The following EVA1C variants were observed in gnomAD, a reference collection of about 807,000 sequenced individuals.
The protein encoded by EVA1C is eva-1 homolog C.
EVA1C carries 25 observed loss-of-function variants against 45.4 expected under a neutral mutation model. That is an observed-to-expected ratio of 0.55 (90% CI 0.40 to 0.77). The LOEUF (loss-of-function observed/expected upper bound fraction) is 0.77. Among genes scored for constraint, EVA1C ranks in the 30% least tolerant of loss-of-function variants. The pLI is 0.00. For missense variants in EVA1C, 479 were observed against 554.8 expected (o/e 0.86, Z 1.37); for synonymous variants, 190 against 221.2 (o/e 0.86, Z 1.25).
intron 6 of EVA1C, among the ~76,000 whole-genome samples, chr21:32,503,008 C>T (rs1304072045): frequency 6.6e-6 from 1 of 152,234 alleles, no homozygotes; most frequent in Non-Finnish European, 1.5e-5. Context: ...TGAGAGCCAA[C>T]CCTGTGCCGT....
intron 5 of EVA1C, among the ~76,000 whole-genome samples, chr21:32,500,741 G>A (rs754400230): frequency 2.0e-5 from 3 of 151,870 alleles, no homozygotes; most frequent in Non-Finnish European, 2.9e-5. Context: ...GTGTGTGTGC[G>A]TGGTTGGCTT....
chr21:32,426,425 AT>A (rs66551169), intron 1 of EVA1C, among the ~76,000 whole-genome samples: 3,285 of 146,010 alleles, frequency 0.022, 98 homozygotes, highest in African/African-American at 0.064. Flanking sequence ...TAGTGCAGAG[AT>A]TTTTTTTTTT....
chr21:32,502,758 T>C (rs2037600090), intron 6 of EVA1C, among the ~76,000 whole-genome samples: 2 of 152,200 alleles, frequency 1.3e-5, no homozygotes, highest in Admixed American at 1.3e-4. Flanking sequence ...CTGTGTTCCT[T>C]AGCTCCTCTT....
intron 1 of EVA1C, among the ~76,000 whole-genome samples, chr21:32,437,712 C>T (rs1218563287): frequency 6.6e-6 from 1 of 152,158 alleles, no homozygotes; most frequent in African/African-American, 2.4e-5. Flanking sequence ...AAGCCTTCCT[C>T]ATCTCTGGGG....
At chr21:32,413,050 C>A (rs2146081732) in intron 1 of EVA1C, 37 bp downstream of exon 1, 2 of 1,334,568 alleles carry the variant, frequency 1.5e-6, no homozygotes, top group Non-Finnish European at 1.9e-6. Context: ...CCCCCGGCAC[C>A]GCGGAGCGCC....
chr21:32,462,236 A>C (rs2036023670), intron 3 of EVA1C, among the ~76,000 whole-genome samples: 2 of 151,738 alleles, frequency 1.3e-5, no homozygotes, highest in South Asian at 2.1e-4. Context: ...AAAAAAAAAA[A>C]AAAAACAATT....
intron 7 of EVA1C, 66 bp downstream of exon 7, chr21:32,504,081 G>A: frequency 1.7e-6 from 2 of 1,148,698 alleles, no homozygotes; most frequent in Non-Finnish European, 1.3e-6. Flanking sequence ...TAATAAATGT[G>A]CTGTTCAATT....
chr21:32,500,887 C>T (rs187893991), intron 5 of EVA1C, among the ~76,000 whole-genome samples: 105 of 152,190 alleles, frequency 6.9e-4, no homozygotes, highest in African/African-American at 2.5e-3. Context: ...TCTTCGCTCA[C>T]TGCAACCTCT....
chr21:32,490,376 G>C (rs1263958171), intron 4 of EVA1C, among the ~76,000 whole-genome samples: 1 of 152,108 alleles, frequency 6.6e-6, no homozygotes, highest in African/African-American at 2.4e-5. Context: ...TGTCTTCAAG[G>C]TTCATCCAAG....
intron 4 of EVA1C, among the ~76,000 whole-genome samples, chr21:32,478,274 A>C (rs919495140): frequency 2.6e-5 from 4 of 151,992 alleles, no homozygotes; most frequent in Admixed American, 2.6e-4. Flanking sequence ...GCTGGAGTGC[A>C]GTGGCTCGAT....
At position 32,420,588 on chromosome 21, in the gene EVA1C, C is replaced by G. The variant is rs2034232065; in HGVS notation, c.160+7575C>G. ...CATTTTTTTTTTGTAGAGACAGGGTCTCACTATGTTGCCCAGGCTGGTCTC... is the reference window on the plus strand; with the variant it reads ...CATTTTTTTTTTGTAGAGACAGGGTGTCACTATGTTGCCCAGGCTGGTCTC... On this transcript the variant is annotated intron_variant, in intron 1 of 7. Coordinates refer to ENST00000300255, the MANE Select transcript of EVA1C (RefSeq NM_058187.5). Among the ~76,000 whole-genome samples, 3 of 152,010 alleles carry G rather than the reference C, an allele frequency of 2.0e-5. No homozygotes were observed. In the South Asian group the frequency reaches 6.2e-4, roughly 32 times the overall value.
At chr21:32,476,984 C>A (rs991973210) in intron 4 of EVA1C, among the ~76,000 whole-genome samples, 1 of 152,160 alleles carries the variant, frequency 6.6e-6, no homozygotes, top group African/African-American at 2.4e-5. Flanking sequence ...GTGTCGGCCA[C>A]ACACCCCACT....
rs575503353 is a variant in EVA1C, at chr21:32,483,872, G to A, written c.635-11155G>A. ...CCGAACCTTCATGGATATAAGACGAGATCAGGTGCATTCAGGGTGGTATGG... is the reference window on the plus strand; with the variant it reads ...CCGAACCTTCATGGATATAAGACGAAATCAGGTGCATTCAGGGTGGTATGG... On this transcript the variant is annotated intron_variant, in intron 4 of 7. Coordinates refer to ENST00000300255, the MANE Select transcript of EVA1C (RefSeq NM_058187.5). Among the ~76,000 whole-genome samples, 3 of 152,188 alleles carry A rather than the reference G, an allele frequency of 2.0e-5. No homozygotes were observed. In the East Asian group the frequency reaches 5.8e-4, roughly 29 times the overall value.
At chr21:32,495,659 C>T (rs1483912418) in intron 5 of EVA1C, among the ~76,000 whole-genome samples, 1 of 152,158 alleles carries the variant, frequency 6.6e-6, no homozygotes, top group Non-Finnish European at 1.5e-5. Context: ...AAATGCTTAC[C>T]CTAAAACAAT....
intron 1 of EVA1C, among the ~76,000 whole-genome samples, chr21:32,439,777 A>C (rs1362091374): frequency 6.6e-6 from 1 of 152,148 alleles, no homozygotes; most frequent in Non-Finnish European, 1.5e-5. Flanking sequence ...TCCTGCTCCT[A>C]AATCCAGTCA....
At chr21:32,458,481 A>ATTTTTTTTTTTT (rs1555859600) in intron 3 of EVA1C, among the ~76,000 whole-genome samples, 1 of 141,142 alleles carries the variant, frequency 7.1e-6, no homozygotes, top group Non-Finnish European at 1.5e-5. Flanking sequence ...GAAGTTAAGC[A>ATTTTTTTTTTTT]CTTTTTTTTT....
At chr21:32,485,959 G>C (rs2036959226) in intron 4 of EVA1C, among the ~76,000 whole-genome samples, 1 of 152,202 alleles carries the variant, frequency 6.6e-6, no homozygotes, top group Admixed American at 6.5e-5. Context: ...CAGTGACCCA[G>C]GGATCCAGGC....
chr21:32,489,628 C>T (rs2037087602), intron 4 of EVA1C, among the ~76,000 whole-genome samples: 1 of 152,080 alleles, frequency 6.6e-6, no homozygotes, highest in Non-Finnish European at 1.5e-5. Context: ...TTTTCTATTT[C>T]TGTGGAAAAT....
chr21:32,489,042 C>T lies in EVA1C; in HGVS notation c.635-5985C>T, dbSNP rs1044912646. On this transcript the variant is annotated intron_variant, in intron 4 of 7. Coordinates refer to ENST00000300255, the MANE Select transcript of EVA1C (RefSeq NM_058187.5). The stretch of plus-strand genomic sequence containing the variant: ...GATATAAGCTTTGAGAATATTTTCT[C>T]GCAATCTGTAGGCTGCTTTTTCATT... Among the ~76,000 whole-genome samples the T allele has an allele frequency of 2.6e-5, 4 of 152,144 alleles. No individual in the cohort carries two copies. The South Asian group carries it at 6.2e-4, about 24-fold the overall frequency.
Sources: allele counts gnomAD v4.1 joint callset (sites outside exome capture counted in the v4.1 genomes callset), GRCh38; gene constraint gnomAD v4.1.1; transcripts MANE v1.5; gene names NCBI Gene and HGNC (gene_info 2026-07-23, HGNC 2026-07-21).